The following GRIA2 variants were observed in gnomAD, a reference collection of about 807,000 sequenced individuals.
The protein encoded by GRIA2 is glutamate ionotropic receptor AMPA type subunit 2.
Under a neutral mutation model 97.3 loss-of-function variants are expected in GRIA2, and 14 were observed. The ratio of observed to expected loss-of-function variants is 0.14; its 90% CI spans 0.10 to 0.23. The LOEUF is 0.23. Among genes scored for constraint, GRIA2 ranks in the 10% least tolerant of loss-of-function variants. The pLI is 1.00. For synonymous variants in GRIA2, 412 were observed against 387.8 expected (o/e 1.06, Z -0.73); for missense variants, 558 against 1,069.8 (o/e 0.52, Z 6.67).
chr4:157,360,304 A>G (rs985344928), intron 13 of GRIA2, among the ~76,000 whole-genome samples, 161 bp downstream of exon 13: 2 of 152,118 alleles, frequency 1.3e-5, no homozygotes, highest in African/African-American at 4.8e-5. Flanking sequence ...ACATTTAGAT[A>G]CTGTTTTATA....
intron 2 of GRIA2, among the ~76,000 whole-genome samples, chr4:157,240,085 T>A (rs574085394): frequency 6.6e-6 from 1 of 151,968 alleles, no homozygotes; most frequent in Non-Finnish European, 1.5e-5. Flanking sequence ...TTTAAATACA[T>A]TTTCTTTATT....
chr4:157,307,350 G>A (rs1733887946), intron 3 of GRIA2, among the ~76,000 whole-genome samples: 1 of 152,166 alleles, frequency 6.6e-6, no homozygotes, highest in Non-Finnish European at 1.5e-5. Context: ...TGGATGCATG[G>A]ATAGAAACAT....
In GRIA2 at chr4:157,346,181, A is replaced by G. The variant is rs552254098; in HGVS notation, c.2043+4719A>G. On this transcript the variant is annotated intron_variant, in intron 12 of 15. Transcript: ENST00000264426. ...TACGGCATACAATACACTTATTTAT[A>G]TTTACATATGAAAACGTTCCTGAAA... Among the ~76,000 whole-genome samples, 9 of 152,204 alleles carry G rather than the reference A, an allele frequency of 5.9e-5. No homozygotes were observed. In the South Asian group the frequency reaches 1.9e-3, roughly 32 times the overall value.
intron 6 of GRIA2, among the ~76,000 whole-genome samples, chr4:157,325,066 A>G (rs1447103154): frequency 6.6e-6 from 1 of 152,192 alleles, no homozygotes; most frequent in East Asian, 1.9e-4. Flanking sequence ...ACAGTTCAAT[A>G]CACCAAATTC....
intron 12 of GRIA2, among the ~76,000 whole-genome samples, chr4:157,355,443 G>C (rs1736208667): frequency 1.3e-5 from 2 of 150,734 alleles, no homozygotes; most frequent in South Asian, 2.1e-4. Flanking sequence ...CAGGAGAATT[G>C]CTTGAAGCCA....
chr4:157,220,821 C>G lies in GRIA2; in HGVS notation c.-222C>G, dbSNP rs1223379648. 24 of 568,226 alleles carry G rather than the reference C, an allele frequency of 4.2e-5. No individual in the cohort carries two copies. The South Asian group carries it at 4.6e-4, about 11-fold the overall frequency. 35.2% of individuals were successfully genotyped at this position (568,226 alleles called of 1,614,324 possible). A position where few individuals can be genotyped will look rare whatever the true frequency, so the allele number is the denominator to read the frequency against. On this transcript the variant is annotated 5_prime_UTR_variant, in exon 1 of 16. Coordinates refer to ENST00000264426, the MANE Select transcript of GRIA2 (RefSeq NM_001083619.3). ...TGAAAACTGCATTCAGCCAGTCCTC[C>G]GGACTTCTGGAGCGGGGACAGGGCG...
At chr4:157,269,506 T>C (rs1731921013) in intron 2 of GRIA2, among the ~76,000 whole-genome samples, 1 of 152,058 alleles carries the variant, frequency 6.6e-6, no homozygotes, top group Non-Finnish European at 1.5e-5. Flanking sequence ...TTGGCCAAGA[T>C]CTCAAAGGGA....
rs778792305 is a variant in GRIA2, at chr4:157,335,633, G to C, written c.1267-38G>C. On this transcript the variant is annotated intron_variant, in intron 9 of 15. Coordinates refer to ENST00000264426, the MANE Select transcript of GRIA2 (RefSeq NM_001083619.3). ...TCAATGAGAGTACATAATTAACACA[G>C]ATATTTTAATCAGCTAAAGCAAAGT... 54 of 1,213,296 alleles carry C rather than the reference G, an allele frequency of 4.5e-5. No homozygotes were observed. The Middle Eastern group carries it at 7.5e-4, about 17-fold the overall frequency. The allele number at this position is 1,213,296 out of a possible 1,614,324, so 75.2% of individuals were successfully genotyped here. A position where few individuals can be genotyped will look rare whatever the true frequency, so the allele number is the denominator to read the frequency against.
chr4:157,320,692 A>T (rs953657804), intron 5 of GRIA2, among the ~76,000 whole-genome samples: 22 of 152,244 alleles, frequency 1.4e-4, no homozygotes, highest in Non-Finnish European at 3.1e-4. Context: ...ACTTTTGTGT[A>T]CAATAAGATA....
intron 11 of GRIA2, 111 bp downstream of exon 11, chr4:157,336,858 C>A: frequency 2.2e-6 from 2 of 907,932 alleles, no homozygotes; most frequent in Non-Finnish European, 3.4e-6. Flanking sequence ...CCTGTCCAAG[C>A]AGTTTAAGAC....
rs1729512774 is a variant in GRIA2 at position 157,221,885 on chromosome 4, G to T, written c.229+78G>T. 2.2e-6 allele frequency: 3 copies of T among 1,359,152 alleles called. No individual in the cohort carries two copies. The Admixed American group carries it at 5.1e-5, about 23-fold the overall frequency. The allele number at this position is 1,359,152 out of a possible 1,614,324, so 84.2% of individuals were successfully genotyped here. On this transcript the variant is annotated intron_variant, in intron 2 of 15. Coordinates refer to ENST00000264426, the MANE Select transcript of GRIA2 (RefSeq NM_001083619.3). ...GTGTGAGTGTGTGTGTGCGTTTCTG[G>T]GGTGGTGTGTGTGCGTTTCTGTGTG... is the stretch of plus-strand genomic sequence containing the variant.
rs903394724 is a variant in GRIA2 at position 157,352,272 on chromosome 4, C to T, written c.2044-7624C>T. Among the ~76,000 whole-genome samples the T allele has an allele frequency of 3.3e-5, 5 of 151,900 alleles. No individual in the cohort carries two copies. The South Asian group carries it at 1.0e-3, about 31-fold the overall frequency. Reference sequence around the variant, plus strand: ...AAATTTGGATATCCAGGTGTTATTCCTGGTTCTTCTATGGGCTAATGAGCT... The same window carrying T: ...AAATTTGGATATCCAGGTGTTATTCTTGGTTCTTCTATGGGCTAATGAGCT... On this transcript the variant is annotated intron_variant, in intron 12 of 15. Coordinates refer to ENST00000264426, the MANE Select transcript of GRIA2 (RefSeq NM_001083619.3).
chr4:157,254,017 T>A (rs1731130782), intron 2 of GRIA2, among the ~76,000 whole-genome samples: 1 of 151,800 alleles, frequency 6.6e-6, no homozygotes, highest in African/African-American at 2.4e-5. Flanking sequence ...CACACACACA[T>A]ACTTTCTTTT....
Position 157,361,645 on chromosome 4 carries a change from G to A in GRIA2, c.2406+521G>A. 6.2e-7 allele frequency: 1 copy of A among 1,605,932 alleles called. No individual in the cohort carries two copies. The highest frequency in any genetic ancestry group is 8.5e-7 in the Non-Finnish European group (1 of 1,172,866). ...GGTGAATGTGGAGCCAAGGACTCTG[G>A]AAGTAAGGTCAGTTGCTGCAGGTTT... On this transcript the variant is annotated intron_variant, in intron 14 of 15. Transcript: ENST00000264426. This position sits in a 1 kb window ranked among gnomAD's most constrained non-coding sequence, Gnocchi z 5.2.
In GRIA2 at chr4:157,299,099, A is replaced by G. The variant is rs184780598; in HGVS notation, c.230-4453A>G. On this transcript the variant is annotated intron_variant, in intron 2 of 15. Coordinates refer to ENST00000264426, the MANE Select transcript of GRIA2 (RefSeq NM_001083619.3). ...CTTGGCAGCTATGTGGAAAAGAATTAGAAGAGAGCAAGACTAGTAGCAGCG... is the reference window on the plus strand; with the variant it reads ...CTTGGCAGCTATGTGGAAAAGAATTGGAAGAGAGCAAGACTAGTAGCAGCG... Among the ~76,000 whole-genome samples, 335 of 152,280 alleles carry G rather than the reference A, an allele frequency of 2.2e-3. 1 individual carries two copies. The highest frequency in any genetic ancestry group is 4.1e-3 in the Non-Finnish European group (278 of 68,000).
intron 7 of GRIA2, 121 bp from the exon 8 acceptor site, chr4:157,333,126 AAG>A: frequency 1.1e-6 from 1 of 910,856 alleles, no homozygotes; most frequent in Non-Finnish European, 1.7e-6. Context: ...AGGTAGGTTG[AAG>A]AGAGAAACAA....
chr4:157,329,531 G>A (rs951485643), intron 6 of GRIA2, among the ~76,000 whole-genome samples: 5 of 151,764 alleles, frequency 3.3e-5, no homozygotes, highest in Admixed American at 1.3e-4. Flanking sequence ...CTGTTATTGC[G>A]GGATTTCTGA....
At chr4:157,298,902 G>T (rs1054061686) in intron 2 of GRIA2, among the ~76,000 whole-genome samples, 1 of 151,918 alleles carries the variant, frequency 6.6e-6, no homozygotes, top group African/African-American at 2.4e-5. Flanking sequence ...AATTGAATTT[G>T]ACCTTGTGGA....
intron 2 of GRIA2, among the ~76,000 whole-genome samples, chr4:157,234,769 C>T (rs1382077473): frequency 2.0e-5 from 3 of 152,076 alleles, no homozygotes; most frequent in Non-Finnish European, 4.4e-5. Context: ...TAAGGAGGCT[C>T]TTTTGCCTGT....
Sources: allele counts gnomAD v4.1 joint callset (sites outside exome capture counted in the v4.1 genomes callset), GRCh38; gene constraint gnomAD v4.1.1; non-coding constraint Gnocchi (gnomAD v3.1); transcripts MANE v1.5; gene names NCBI Gene and HGNC (gene_info 2026-07-23, HGNC 2026-07-21).